CLNK: variants seen among roughly 807,000 people sequenced by gnomAD.
The protein encoded by CLNK is cytokine-dependent hematopoietic cell linker.
In CLNK, 74 loss-of-function variants were observed where a neutral mutation model predicts 68.6. The ratio of observed to expected loss-of-function variants is 1.08; its 90% CI spans 0.89 to 1.31. CLNK has a LOEUF of 1.31. CLNK is among the 50% of genes most tolerant of loss of function. The pLI is 0.00. For synonymous variants in CLNK, 198 were observed against 172.2 expected (o/e 1.15, Z -1.17); for missense variants, 553 against 515.3 (o/e 1.07, Z -0.71).
chr4:10,668,058 T>C, intron 1 of CLNK, 147 bp from the exon 2 acceptor site: 3 of 455,566 alleles, frequency 6.6e-6, no homozygotes, highest in South Asian at 4.2e-5. Context: ...AGGTCAAGAA[T>C]TGGCTTATTT....
At chr4:10,514,174 C>A (rs1189325547) in intron 15 of CLNK, among the ~76,000 whole-genome samples, 109 of 143,870 alleles carry the variant, frequency 7.6e-4, no homozygotes, top group Non-Finnish European at 1.5e-3. Context: ...CATGTCCCTA[C>A]AAAGGACATG....
intron 2 of CLNK, among the ~76,000 whole-genome samples, chr4:10,659,714 T>C: frequency 6.6e-6 from 1 of 152,236 alleles, no homozygotes; most frequent in East Asian, 1.9e-4. Context: ...AGTACTTCTT[T>C]CCTCTTATTT....
At chr4:10,645,481 A>G (rs1253870670) in intron 2 of CLNK, among the ~76,000 whole-genome samples, 1 of 152,248 alleles carries the variant, frequency 6.6e-6, no homozygotes, top group Non-Finnish European at 1.5e-5. Context: ...CCATGCTTAA[A>G]TAGAAATGAC....
chr4:10,675,119 T>C (rs1445777752), intron 1 of CLNK, among the ~76,000 whole-genome samples: 1 of 152,126 alleles, frequency 6.6e-6, no homozygotes, highest in Non-Finnish European at 1.5e-5. Context: ...AACCTGCAGG[T>C]TCTGCACATG....
chr4:10,639,949 G>A lies in CLNK; in HGVS notation c.11+27910C>T, dbSNP rs187964656. 1.2e-4 allele frequency among the ~76,000 whole-genome samples: 19 copies of A among 152,306 alleles called. No individual in the cohort carries two copies. The East Asian group carries it at 3.3e-3, about 26-fold the overall frequency. On this transcript the variant is annotated intron_variant, in intron 2 of 18. Coordinates refer to ENST00000226951, the MANE Select transcript of CLNK (RefSeq NM_052964.4). ...AATATAACTAAGACTCAGCTCCAGA[G>A]GTGCCTAATTTCTAATGTCTGGGCT...
At chr4:10,648,281 A>C (rs1215165925) in intron 2 of CLNK, among the ~76,000 whole-genome samples, 1 of 152,190 alleles carries the variant, frequency 6.6e-6, no homozygotes, top group Non-Finnish European at 1.5e-5. Context: ...TCTTTTATGT[A>C]ATAGATGAAA....
the CLNK span, among the ~76,000 whole-genome samples, chr4:10,704,617 A>T: frequency 2.6e-5 from 4 of 152,154 alleles, no homozygotes; most frequent in East Asian, 5.8e-4. Context: ...AGCTGCTGAG[A>T]CAACACACAG....
chr4:10,564,949 G>T (rs1720046270), intron 6 of CLNK, among the ~76,000 whole-genome samples, 172 bp from the exon 7 acceptor site: 1 of 152,132 alleles, frequency 6.6e-6, no homozygotes, highest in Non-Finnish European at 1.5e-5. Context: ...AGAAGAAATT[G>T]CTCATCTCAG....
rs58333228 is a variant in CLNK, at chr4:10,616,790, GTATA to G, written c.12-18745_12-18742del. Among the ~76,000 whole-genome samples the G allele has an allele frequency of 8.9e-3, 572 of 64,356 alleles. 10 individuals are homozygous for G. Among genetic ancestry groups the G allele is most frequent in the African/African-American group, 0.022 (536 of 23,952 alleles). The allele number at this position is 64,356 out of a possible 152,430, so 42.2% of individuals were successfully genotyped here. ...TGTGTGTGTATATATGTGTGTGTGT[GTATA>G]TATATATATATATATATATATATAT... On this transcript the variant is annotated intron_variant, in intron 2 of 18. Transcript: ENST00000226951.
intron 11 of CLNK, among the ~76,000 whole-genome samples, chr4:10,533,137 A>T (rs1718619671): frequency 6.6e-6 from 1 of 152,084 alleles, no homozygotes; most frequent in African/African-American, 2.4e-5. Context: ...ACATGCCTGT[A>T]GTCCCAGCTA....
At chr4:10,712,402 C>T in the CLNK span, among the ~76,000 whole-genome samples, 2 of 152,202 alleles carry the variant, frequency 1.3e-5, no homozygotes, top group East Asian at 3.8e-4. Flanking sequence ...CTTCATCTTG[C>T]TTCTAACCTC....
chr4:10,659,457 C>A lies in CLNK; in HGVS notation c.11+8402G>T, dbSNP rs531124244. 5.9e-5 allele frequency among the ~76,000 whole-genome samples: 9 copies of A among 152,340 alleles called. No individual in the cohort carries two copies. In the South Asian group the frequency reaches 1.7e-3, roughly 28 times the overall value. On this transcript the variant is annotated intron_variant, in intron 2 of 18. Transcript: ENST00000226951. ...TCCTAAAATGTCACGGCTCTGTTGGCACATGGCCAACCAATATTTCTGTTG... is the reference window on the plus strand; with the variant it reads ...TCCTAAAATGTCACGGCTCTGTTGGAACATGGCCAACCAATATTTCTGTTG...
At chr4:10,616,786 G>A (rs113340218) in intron 2 of CLNK, among the ~76,000 whole-genome samples, 325 of 11,124 alleles carry the variant, frequency 0.029, 3 homozygotes, top group Middle Eastern at 0.05. Context: ...ATATGTGTGT[G>A]TGTGTATATA....
rs1481665210 is a variant in CLNK, at chr4:10,490,389, C to T, written c.*78G>A. ...TTAAAAAAGTTGTCCCTTGAAGGCA[C>T]AGAAAATAAACTTTTGAAATCAATG... On this transcript the variant is annotated 3_prime_UTR_variant, in exon 19 of 19. Transcript: ENST00000226951. The T allele has an allele frequency of 1.3e-6, 2 of 1,486,080 alleles. No homozygotes were observed. The highest frequency in any genetic ancestry group is 2.8e-5 in the African/African-American group (2 of 70,748). 92.1% of individuals were successfully genotyped at this position (1,486,080 alleles called of 1,614,324 possible). A position where few individuals can be genotyped will look rare whatever the true frequency, so the allele number is the denominator to read the frequency against.
chr4:10,728,732 G>A, the CLNK span, among the ~76,000 whole-genome samples: 1 of 151,604 alleles, frequency 6.6e-6, no homozygotes, highest in African/African-American at 2.4e-5. Flanking sequence ...GGGACTACAG[G>A]CGCCTGCCAC....
chr4:10,670,452 G>T (rs1305637284), intron 1 of CLNK, among the ~76,000 whole-genome samples: 1 of 152,232 alleles, frequency 6.6e-6, no homozygotes, highest in Non-Finnish European at 1.5e-5. Flanking sequence ...AGCTCCCTGT[G>T]TGCCTGGATC....
the CLNK span, among the ~76,000 whole-genome samples, chr4:10,713,446 C>T: frequency 6.6e-6 from 1 of 151,954 alleles, no homozygotes; most frequent in Admixed American, 6.6e-5. Context: ...ACAACCTCAG[C>T]CAAAAGGAGG....
intron 8 of CLNK, among the ~76,000 whole-genome samples, chr4:10,555,695 A>G (rs2108816847): frequency 6.6e-6 from 1 of 152,364 alleles, no homozygotes; most frequent in South Asian, 2.1e-4. Flanking sequence ...AAAATCTGCC[A>G]TTACTGAACC....
chr4:10,672,783 T>C (rs1240988874), intron 1 of CLNK, among the ~76,000 whole-genome samples: 3 of 151,978 alleles, frequency 2.0e-5, no homozygotes, highest in African/African-American at 4.8e-5. Flanking sequence ...CAGAAGGGAG[T>C]GGACTTGAGT....
Sources: gnomAD v4.1 joint callset for allele counts (sites outside exome capture counted in the v4.1 genomes callset) on GRCh38, gnomAD v4.1.1 for gene constraint, MANE v1.5 for transcripts, NCBI Gene and HGNC (gene_info 2026-07-23, HGNC 2026-07-21) for gene names.